LMBR1: variants seen among roughly 807,000 people sequenced by gnomAD.
The protein encoded by LMBR1 is limb region 1 protein homolog.
Under a neutral mutation model 73.9 loss-of-function variants are expected in LMBR1, and 52 were observed. That is an observed-to-expected ratio of 0.70 (90% CI 0.56 to 0.89). The LOEUF (loss-of-function observed/expected upper bound fraction) is 0.89, where lower values mean the gene tolerates loss of function less well. Among genes scored for constraint, LMBR1 ranks in the 40% least tolerant of loss-of-function variants. The pLI is 0.00. For missense variants in LMBR1, 539 were observed against 579.8 expected (o/e 0.93, Z 0.72); for synonymous variants, 215 against 209.4 (o/e 1.03, Z -0.23).
At chr7:156,829,623 T>G (rs952991267) in intron 3 of LMBR1, among the ~76,000 whole-genome samples, 1 of 152,194 alleles carries the variant, frequency 6.6e-6, no homozygotes, top group Non-Finnish European at 1.5e-5. Context: ...TGCTCCTTTA[T>G]AGCAACACAT....
At chr7:156,796,709 T>TC (rs2133380074) in intron 4 of LMBR1, among the ~76,000 whole-genome samples, 1 of 152,314 alleles carries the variant, frequency 6.6e-6, no homozygotes, top group African/African-American at 2.4e-5. Context: ...ACTAATGTTT[T>TC]TTTCCATGCC....
chr7:156,728,937 T>A (rs1816308841), intron 10 of LMBR1, among the ~76,000 whole-genome samples: 1 of 152,142 alleles, frequency 6.6e-6, no homozygotes, highest in African/African-American at 2.4e-5. Flanking sequence ...CCTCCTAGGC[T>A]CAAGTGATCC....
intron 15 of LMBR1, among the ~76,000 whole-genome samples, chr7:156,694,877 C>A (rs373524564): frequency 6.6e-6 from 1 of 152,160 alleles, no homozygotes; most frequent in Admixed American, 6.5e-5. Flanking sequence ...TAAACAAATT[C>A]CTTAAAAGAC....
intron 5 of LMBR1, among the ~76,000 whole-genome samples, chr7:156,771,618 A>T (rs1350240578): frequency 1.3e-5 from 2 of 152,200 alleles, no homozygotes; most frequent in African/African-American, 4.8e-5. Flanking sequence ...GAAAACGCTC[A>T]GGATCAGATA....
chr7:156,828,100 G>A (rs972562429), intron 3 of LMBR1, among the ~76,000 whole-genome samples: 1 of 152,136 alleles, frequency 6.6e-6, no homozygotes, highest in Non-Finnish European at 1.5e-5. Flanking sequence ...TCCTTCCTAT[G>A]CTAAAATTGA....
chr7:156,772,584 G>A (rs908014669), intron 5 of LMBR1, among the ~76,000 whole-genome samples: 19 of 151,954 alleles, frequency 1.3e-4, no homozygotes, highest in African/African-American at 2.7e-4. Context: ...GTGGTGGCTC[G>A]CACCTGTAAT....
rs540498173 is a variant in LMBR1, at chr7:156,708,997, G to A, written c.1225+15115C>T. ...CTGAGAACCACCCCCCAACAACCAC[G>A]GTGGCTGCAGCAAGCCCTGCCCAGG... On this transcript the variant is annotated intron_variant, in intron 15 of 16. Coordinates refer to ENST00000353442, the MANE Select transcript of LMBR1 (RefSeq NM_022458.4). Among the ~76,000 whole-genome samples the A allele has an allele frequency of 9.9e-5, 15 of 152,218 alleles. No homozygotes were observed. In the South Asian group the frequency reaches 2.9e-3, roughly 29 times the overall value.
intron 11 of LMBR1, 72 bp from the exon 12 acceptor site, chr7:156,728,079 C>T: frequency 8.5e-7 from 1 of 1,170,366 alleles, no homozygotes; most frequent in Non-Finnish European, 1.3e-6. Context: ...TCTAGGTAAC[C>T]AAATACACGT....
At chr7:156,688,284 G>A in intron 15 of LMBR1, 93 bp from the exon 16 acceptor site, 2 of 830,724 alleles carry the variant, frequency 2.4e-6, no homozygotes, top group East Asian at 2.8e-5. Flanking sequence ...CGAATTCTAT[G>A]GACTTTCTCA....
At chr7:156,888,554 C>T (rs542106186) in intron 1 of LMBR1, among the ~76,000 whole-genome samples, 1 of 152,148 alleles carries the variant, frequency 6.6e-6, no homozygotes, top group South Asian at 2.1e-4. Flanking sequence ...ACAGAAACAA[C>T]TCAGGTCAAT....
intron 15 of LMBR1, among the ~76,000 whole-genome samples, chr7:156,712,573 A>G (rs1055208747): frequency 5.9e-5 from 9 of 152,222 alleles, no homozygotes; most frequent in Non-Finnish European, 8.8e-5. Flanking sequence ...ATATGTTTAT[A>G]GCAGCACTGA....
chr7:156,845,651 G>A (rs1429271390), intron 1 of LMBR1, among the ~76,000 whole-genome samples: 2 of 140,558 alleles, frequency 1.4e-5, no homozygotes, highest in East Asian at 4.9e-4. Flanking sequence ...AAGATGGGTT[G>A]AAATTTTTTT....
intron 15 of LMBR1, among the ~76,000 whole-genome samples, chr7:156,714,541 G>A (rs761920994): frequency 3.9e-5 from 6 of 152,220 alleles, no homozygotes; most frequent in Non-Finnish European, 7.3e-5. Flanking sequence ...ACGGGGTCAG[G>A]TATAGATCGT....
At chr7:156,815,368 G>A (rs971083828) in intron 4 of LMBR1, among the ~76,000 whole-genome samples, 2 of 151,492 alleles carry the variant, frequency 1.3e-5, no homozygotes, top group Admixed American at 6.6e-5. Flanking sequence ...ATTTTAAAAT[G>A]ACAATGACAA....
At chr7:156,798,436 G>A (rs1830405785) in intron 4 of LMBR1, among the ~76,000 whole-genome samples, 1 of 152,078 alleles carries the variant, frequency 6.6e-6, no homozygotes, top group African/African-American at 2.4e-5. Flanking sequence ...CTAGAAATGA[G>A]CATGTGTCCA....
intron 5 of LMBR1, among the ~76,000 whole-genome samples, chr7:156,795,727 A>G (rs1036418788): frequency 2.0e-5 from 3 of 151,956 alleles, no homozygotes; most frequent in Admixed American, 6.6e-5. Context: ...TAATTTTTTT[A>G]TTTTTAGTAC....
chr7:156,803,950 A>G (rs1346620873), intron 4 of LMBR1, among the ~76,000 whole-genome samples: 4 of 136,968 alleles, frequency 2.9e-5, no homozygotes, highest in Non-Finnish European at 6.2e-5. Flanking sequence ...CAATGAGAAC[A>G]CATGGACACA....
chr7:156,841,428 C>T (rs900345664), intron 1 of LMBR1, among the ~76,000 whole-genome samples: 1 of 151,996 alleles, frequency 6.6e-6, no homozygotes, highest in South Asian at 2.1e-4. Context: ...AGATTTCCAT[C>T]CCAGGGAGTA....
intron 15 of LMBR1, among the ~76,000 whole-genome samples, chr7:156,723,747 C>T (rs1329139653): frequency 6.6e-6 from 1 of 152,000 alleles, no homozygotes; most frequent in African/African-American, 2.4e-5. Flanking sequence ...TTTTTTAAAC[C>T]ATACTAAATT....
Sources: gnomAD v4.1 joint callset for allele counts (sites outside exome capture counted in the v4.1 genomes callset) on GRCh38, gnomAD v4.1.1 for gene constraint, MANE v1.5 for transcripts, NCBI Gene and HGNC (gene_info 2026-07-23, HGNC 2026-07-21) for gene names.